The following TMEM255B variants were observed in gnomAD, a reference collection of about 807,000 sequenced individuals.
TMEM255B encodes family with sequence similarity 70, member B.
A neutral mutation model predicts 34.5 loss-of-function variants in TMEM255B; 35 were observed. That is an observed-to-expected ratio of 1.01 (90% CI 0.77 to 1.34). The LOEUF (loss-of-function observed/expected upper bound fraction) is 1.34, where lower values mean the gene tolerates loss of function less well. TMEM255B is among the 40% of genes most tolerant of loss of function. The pLI, the probability that TMEM255B is intolerant of heterozygous loss-of-function variation, is 0.00. For synonymous variants in TMEM255B, 206 were observed against 201.2 expected (o/e 1.02, Z -0.20); for missense variants, 432 against 433.2 (o/e 1.00, Z 0.02).
chr13:113,807,996 CAGCCAGCCTTTG>C (rs1014798091), intron 8 of TMEM255B, among the ~76,000 whole-genome samples: 4 of 152,210 alleles, frequency 2.6e-5, no homozygotes, highest in African/African-American at 9.7e-5. Flanking sequence ...TCAGATGGCC[CAGCCAGCCTTTG>C]TGCCAGGCCA....
chr13:113,770,612 G>A lies in TMEM255B; in HGVS notation c.252+1452G>A, dbSNP rs1262442562. Among the ~76,000 whole-genome samples the A allele has an allele frequency of 6.6e-6, 1 of 152,178 alleles. No individual in the cohort carries two copies. Among genetic ancestry groups the A allele is most frequent in the African/African-American group, 2.4e-5 (1 of 41,448 alleles). ...ACTGCAGGGTGAGCTGCCGTTCTTGGCTAGCAGTTGCAAAGAGACGGAGAG... is the reference window on the plus strand; with the variant it reads ...ACTGCAGGGTGAGCTGCCGTTCTTGACTAGCAGTTGCAAAGAGACGGAGAG... On this transcript the variant is annotated intron_variant, in intron 3 of 8. Coordinates refer to ENST00000375353, the MANE Select transcript of TMEM255B (RefSeq NM_182614.4). The surrounding 1 kb of genome is among the most constrained non-coding windows in gnomAD (Gnocchi z 4.6).
chr13:113,781,521 C>G (rs993057867), intron 3 of TMEM255B, among the ~76,000 whole-genome samples: 8 of 152,220 alleles, frequency 5.3e-5, no homozygotes, highest in African/African-American at 1.9e-4. Flanking sequence ...ACACTGTTAA[C>G]TCTTAGCAAC....
chr13:113,812,155 C>T lies in TMEM255B; in HGVS notation c.*252C>T, dbSNP rs753245027. 5 of 527,676 alleles carry T rather than the reference C, an allele frequency of 9.5e-6. No homozygotes were observed. Among genetic ancestry groups the T allele is most frequent in the Non-Finnish European group, 1.7e-5 (5 of 303,020 alleles). The allele number at this position is 527,676 out of a possible 1,614,324, so 32.7% of individuals were successfully genotyped here. A position where few individuals can be genotyped will look rare whatever the true frequency, so the allele number is the denominator to read the frequency against. ...CATCAAATGGCGCTGAAAGTTCCCA[C>T]CCGGCCTCCTCCTCTGAGAGCAATT... On this transcript the variant is annotated 3_prime_UTR_variant, in exon 9 of 9. Coordinates refer to ENST00000375353, the MANE Select transcript of TMEM255B (RefSeq NM_182614.4).
At chr13:113,768,265 G>T (rs1210212637) in intron 2 of TMEM255B, 5 of 467,886 alleles carry the variant, frequency 1.1e-5, no homozygotes, top group East Asian at 7.0e-5. Context: ...CCAGATTTTC[G>T]GTGGGTGTTG....
chr13:113,811,455 T>TG (rs199546290), intron 8 of TMEM255B, among the ~76,000 whole-genome samples: 44 of 86,766 alleles, frequency 5.1e-4, no homozygotes, highest in Admixed American at 8.4e-4. Flanking sequence ...CCTGGGTCTG[T>TG]GGGAGCCCGT....
chr13:113,762,662 G>C (rs527709628), intron 1 of TMEM255B, among the ~76,000 whole-genome samples: 203 of 152,338 alleles, frequency 1.3e-3, no homozygotes, highest in African/African-American at 4.7e-3. Flanking sequence ...GACAAGGTCA[G>C]TTAGCCCAGT....
chr13:113,794,736 C>T (rs974684097), intron 3 of TMEM255B, among the ~76,000 whole-genome samples: 3 of 152,196 alleles, frequency 2.0e-5, no homozygotes, highest in Non-Finnish European at 4.4e-5. Context: ...GCTCCAAGAC[C>T]ATTAGGTAGG....
At chr13:113,762,957 A>C (rs1186003496) in intron 1 of TMEM255B, among the ~76,000 whole-genome samples, 1 of 152,272 alleles carries the variant, frequency 6.6e-6, no homozygotes, top group Non-Finnish European at 1.5e-5. Flanking sequence ...TCAAATACTT[A>C]GTCCCATAAA....
In TMEM255B at chr13:113,789,630, G is replaced by A. The variant is rs116092697; in HGVS notation, c.253-5518G>A. 4.2e-3 allele frequency among the ~76,000 whole-genome samples: 633 copies of A among 152,314 alleles called. 3 individuals are homozygous for A. The highest frequency in any genetic ancestry group is 0.014 in the African/African-American group (575 of 41,558). ...TTTCCCAACACCACTGCCTGGACTC[G>A]GGTTGAAGCACCATGAGAAGCTCTT... On this transcript the variant is annotated intron_variant, in intron 3 of 8. Coordinates refer to ENST00000375353, the MANE Select transcript of TMEM255B (RefSeq NM_182614.4).
chr13:113,765,359 A>G (rs1002182010), intron 1 of TMEM255B, among the ~76,000 whole-genome samples: 2 of 152,168 alleles, frequency 1.3e-5, no homozygotes, highest in African/African-American at 4.8e-5. Flanking sequence ...AGCTCTGCTG[A>G]TGGGATTGCA....
At chr13:113,802,373 G>T (rs564413761) in intron 7 of TMEM255B, among the ~76,000 whole-genome samples, 1 of 152,292 alleles carries the variant, frequency 6.6e-6, no homozygotes, top group South Asian at 2.1e-4. Context: ...CTCTCCTGGC[G>T]CCTGTTTCAA....
chr13:113,795,934 A>AC (rs2138565340), intron 4 of TMEM255B, among the ~76,000 whole-genome samples: 1 of 127,322 alleles, frequency 7.9e-6, no homozygotes, highest in Admixed American at 7.9e-5. Flanking sequence ...ACACCACACA[A>AC]CACACAGAGC....
chr13:113,771,457 G>A (rs527545271), intron 3 of TMEM255B, among the ~76,000 whole-genome samples: 26 of 152,296 alleles, frequency 1.7e-4, no homozygotes, highest in East Asian at 1.5e-3. Context: ...CAAGGTGGGC[G>A]GATCACGAGT....
chr13:113,789,382 G>A (rs1247656551), intron 3 of TMEM255B, among the ~76,000 whole-genome samples: 4 of 152,172 alleles, frequency 2.6e-5, no homozygotes, highest in African/African-American at 7.2e-5. Flanking sequence ...TGGAGAGTGG[G>A]TTGCTTGTGT....
intron 4 of TMEM255B, among the ~76,000 whole-genome samples, chr13:113,798,760 G>A (rs1408840214): frequency 6.6e-6 from 1 of 152,050 alleles, no homozygotes; most frequent in East Asian, 1.9e-4. Context: ...TGGGTGGATG[G>A]ATGGATGTGG....
At chr13:113,778,601 G>C (rs535863138) in intron 3 of TMEM255B, among the ~76,000 whole-genome samples, 2 of 149,436 alleles carry the variant, frequency 1.3e-5, no homozygotes, top group African/African-American at 2.5e-5. Context: ...GTCTTCTCCC[G>C]GGTGAGTCTC....
Position 113,813,512 on chromosome 13 carries a change from C to G in TMEM255B, c.*1609C>G, listed in dbSNP as rs2051367510. On this transcript the variant is annotated 3_prime_UTR_variant, in exon 9 of 9. Transcript: ENST00000375353. ...TGGAGGGGAGCCACACTCGTGCAGA[C>G]ACAGCCTCCTGCCCCCTCTGCTGCC... 6.6e-6 allele frequency: 1 copy of G among 152,338 alleles called. No individual in the cohort carries two copies. Among genetic ancestry groups the G allele is most frequent in the African/African-American group, 2.4e-5 (1 of 41,478 alleles). The allele number at this position is 152,338 out of a possible 1,614,324, so 9.4% of individuals were successfully genotyped here. A position where few individuals can be genotyped will look rare whatever the true frequency, so the allele number is the denominator to read the frequency against.
chr13:113,766,789 G>A (rs572021977), intron 2 of TMEM255B, among the ~76,000 whole-genome samples: 4 of 152,326 alleles, frequency 2.6e-5, no homozygotes, highest in Admixed American at 2.0e-4. Flanking sequence ...GCGTGGGAAC[G>A]GCCAGAAGGT....
chr13:113,773,489 G>A (rs2050509308), intron 3 of TMEM255B, among the ~76,000 whole-genome samples: 1 of 152,192 alleles, frequency 6.6e-6, no homozygotes, highest in African/African-American at 2.4e-5. Flanking sequence ...CAAGAGTGAC[G>A]GCCACTGCCA....
Sources: gnomAD v4.1 joint callset for allele counts (sites outside exome capture counted in the v4.1 genomes callset) on GRCh38, gnomAD v4.1.1 for gene constraint, Gnocchi (gnomAD v3.1) non-coding constraint, MANE v1.5 for transcripts, NCBI Gene and HGNC (gene_info 2026-07-23, HGNC 2026-07-21) for gene names.